Variants in SMIM7 observed in about 807,000 individuals in gnomAD.
SMIM7 encodes UPF0608 protein C19orf42.
A neutral mutation model predicts 13.3 loss-of-function variants in SMIM7; 12 were observed. The observed-to-expected ratio is 0.90, with a 90% CI of 0.58 to 1.46. SMIM7 has a LOEUF of 1.46. Among genes scored for constraint, SMIM7 ranks in the 40% most tolerant of loss-of-function variants. SMIM7 has a pLI of 0.00. For missense variants in SMIM7, 114 were observed against 94.8 expected, an observed-to-expected ratio of 1.20 and a Z score of -0.84; for synonymous variants, 36 against 35.8, an observed-to-expected ratio of 1.01 and a Z score of -0.02.
chr19:16,644,183 C>G (rs536415677), downstream of SMIM7, among the ~76,000 whole-genome samples: 1 of 140,044 alleles, frequency 7.1e-6, no homozygotes, highest in Non-Finnish European at 1.5e-5. Context: ...TGCAATGGCG[C>G]GATCTCGGCT....
rs146434869 is a variant in SMIM7 at position 16,653,914 on chromosome 19, G to C, written c.212+121C>G. ...CATCTCAAACAAAACAAAAAATAAA[G>C]AAAACAGAAACCAGGATACAAGAGT... is the stretch of plus-strand genomic sequence containing the variant. On this transcript the variant is annotated intron_variant, in intron 4 of 4. Transcript: ENST00000487416. 5.0e-5 allele frequency: 40 copies of C among 804,740 alleles called. No individual in the cohort carries two copies. In the East Asian group the frequency reaches 1.1e-3, roughly 22 times the overall value. 49.8% of individuals were successfully genotyped at this position (804,740 alleles called of 1,614,324 possible).
chr19:16,659,173 C>G (rs1460014135), intron 3 of SMIM7: 1 of 602,706 alleles, frequency 1.7e-6, no homozygotes, highest in African/African-American at 1.9e-5. Context: ...ATCCCAGCTA[C>G]TAAGGGGGCT....
At chr19:16,659,592 C>T (rs2122560397) in intron 2 of SMIM7, 145 bp from the exon 3 acceptor site, 1 of 782,648 alleles carries the variant, frequency 1.3e-6, no homozygotes, top group East Asian at 2.7e-5. Context: ...GTTCAATACC[C>T]TTCTCTGGGC....
At chr19:16,644,347 CCT>C (rs2086429523), downstream of SMIM7, among the ~76,000 whole-genome samples, 2 of 151,510 alleles carry the variant, frequency 1.3e-5, no homozygotes, top group African/African-American at 4.9e-5. Flanking sequence ...GTCTCGAACT[CCT>C]GACCACAGGT....
At chr19:16,650,689 G>A (rs530202229) in intron 4 of SMIM7, among the ~76,000 whole-genome samples, 4 of 146,532 alleles carry the variant, frequency 2.7e-5, no homozygotes, top group South Asian at 4.3e-4. Context: ...CAGTCTGGGT[G>A]ACAGAGCAAG....
At chr19:16,652,989 TA>T in intron 4 of SMIM7, 1 of 1,549,726 alleles carries the variant, frequency 6.5e-7, no homozygotes, top group Non-Finnish European at 8.7e-7. Context: ...AGCCAGAATT[TA>T]AAACAATAAA....
At chr19:16,635,897 A>ATATATATATATATATATAT (rs1219247102) in intron 4 of SMIM7, among the ~76,000 whole-genome samples, 1 of 123,836 alleles carries the variant, frequency 8.1e-6, no homozygotes, top group African/African-American at 3.5e-5. Context: ...AAAAAAAAAA[A>ATATATATATATATATATAT]AAATATATAT....
downstream of SMIM7, among the ~76,000 whole-genome samples, chr19:16,644,224 G>A (rs1399237644): frequency 6.8e-6 from 1 of 146,932 alleles, no homozygotes; most frequent in Non-Finnish European, 1.5e-5. Context: ...TGGTTCAAGT[G>A]ATTATCCTGC....
rs1424030712 is a variant in SMIM7 at position 16,647,019 on chromosome 19, G to A, written c.*227C>T. On this transcript the variant is annotated 3_prime_UTR_variant, in exon 5 of 5. Coordinates refer to ENST00000487416, the MANE Select transcript of SMIM7 (RefSeq NM_024104.4). ...CATAAACGCTCCTGAAACCCTTTCA[G>A]TAGACAGCATTTCAATTCAGAGACC... The A allele has an allele frequency of 6.5e-6, 4 of 612,392 alleles. No individual in the cohort carries two copies. Among genetic ancestry groups the A allele is most frequent in the Non-Finnish European group, 1.2e-5 (4 of 344,308 alleles). 37.9% of individuals were successfully genotyped at this position (612,392 alleles called of 1,614,324 possible). A position where few individuals can be genotyped will look rare whatever the true frequency, so the allele number is the denominator to read the frequency against.
At chr19:16,654,293 CTG>C (rs1418089739) in intron 3 of SMIM7, among the ~76,000 whole-genome samples, 168 bp from the exon 4 acceptor site, 3 of 152,154 alleles carry the variant, frequency 2.0e-5, no homozygotes, top group Non-Finnish European at 4.4e-5. Flanking sequence ...CCTCATCAGG[CTG>C]TGTCTACCAC....
chr19:16,634,439 C>T (rs1469774495), intron 4 of SMIM7: 3 of 152,188 alleles, frequency 2.0e-5, no homozygotes, highest in Non-Finnish European at 4.4e-5. Flanking sequence ...CTGGAAGTTA[C>T]CACACAGCCC....
At chr19:16,634,962 C>T (rs2086348186) in intron 4 of SMIM7, 1 of 152,106 alleles carries the variant, frequency 6.6e-6, no homozygotes, top group South Asian at 2.1e-4. Context: ...TCTTCTCATA[C>T]CTGTCCCACT....
intron 4 of SMIM7, among the ~76,000 whole-genome samples, chr19:16,632,236 T>C (rs1160891834): frequency 6.6e-6 from 1 of 152,052 alleles, no homozygotes; most frequent in Non-Finnish European, 1.5e-5. Context: ...ATCTCAGAAG[T>C]ACCTAGAGAT....
intron 4 of SMIM7, among the ~76,000 whole-genome samples, chr19:16,648,169 C>T (rs376448998): frequency 3.3e-4 from 50 of 152,220 alleles, no homozygotes; most frequent in African/African-American, 1.2e-3. Context: ...GAGATGGACT[C>T]TCACTCTGTT....
chr19:16,643,362 A>G (rs1459077458), downstream of SMIM7, among the ~76,000 whole-genome samples: 2 of 152,178 alleles, frequency 1.3e-5, no homozygotes, highest in African/African-American at 4.8e-5. Flanking sequence ...GCAAGTATGC[A>G]TTTGATAAGT....
chr19:16,633,327 G>A (rs191190022), intron 4 of SMIM7, among the ~76,000 whole-genome samples: 8 of 151,908 alleles, frequency 5.3e-5, no homozygotes, highest in African/African-American at 1.4e-4. Flanking sequence ...CAGGTGGTGC[G>A]CGCCTGTAAT....
At chr19:16,655,786 C>T (rs1307013108) in intron 3 of SMIM7, among the ~76,000 whole-genome samples, 3 of 150,904 alleles carry the variant, frequency 2.0e-5, no homozygotes, top group Non-Finnish European at 2.9e-5. Flanking sequence ...GTACAGCATA[C>T]ACAACACAAG....
At chr19:16,636,243 A>G (rs2086360469) in intron 4 of SMIM7, 1 of 152,166 alleles carries the variant, frequency 6.6e-6, no homozygotes, top group African/African-American at 2.4e-5. Context: ...GGCAGCCTCT[A>G]AAAGCTGGAG....
intron 3 of SMIM7, chr19:16,659,036 G>A (rs1010796843): frequency 3.2e-6 from 1 of 315,248 alleles, no homozygotes; most frequent in Non-Finnish European, 6.1e-6. Context: ...TGTAATCCCA[G>A]CTCTTCGGGA....
Sources: gnomAD v4.1 joint callset for allele counts (sites outside exome capture counted in the v4.1 genomes callset) on GRCh38, gnomAD v4.1.1 for gene constraint, MANE v1.5 for transcripts, NCBI Gene and HGNC (gene_info 2026-07-23, HGNC 2026-07-21) for gene names.